SREBF2: variants seen among roughly 807,000 people sequenced by gnomAD.
SREBF2 encodes the protein sterol regulatory element binding transcription factor 2, also known as sterol regulatory element-binding protein 2.
In SREBF2, 55 loss-of-function variants were observed where a neutral mutation model predicts 113.1. That is an observed-to-expected ratio of 0.49 (90% confidence interval 0.39 to 0.61). The LOEUF (loss-of-function observed/expected upper bound fraction) is 0.61, where lower values mean the gene tolerates loss of function less well. SREBF2 is among the 20% of genes least tolerant of loss of function. The pLI, the probability that SREBF2 is intolerant of heterozygous loss-of-function variation, is 0.00. For missense variants in SREBF2, 1,349 were observed against 1,487.4 expected (o/e 0.91, Z 1.53); for synonymous variants, 593 against 605.7 (o/e 0.98, Z 0.31).
chr22:41,859,436 C>T (rs2077005344), intron 1 of SREBF2, among the ~76,000 whole-genome samples: 2 of 152,174 alleles, frequency 1.3e-5, no homozygotes, highest in Non-Finnish European at 2.9e-5. Context: ...ACATTTTGTG[C>T]ATTCCTGCAT....
chr22:41,903,470 C>G (rs1399015213), intron 17 of SREBF2, among the ~76,000 whole-genome samples: 1 of 152,212 alleles, frequency 6.6e-6, no homozygotes, highest in Non-Finnish European at 1.5e-5. Context: ...TGGGAGGGCT[C>G]TGAGGGCAAT....
chr22:41,877,154 A>G, intron 7 of SREBF2, 75 bp from the exon 8 acceptor site: 1 of 1,396,348 alleles, frequency 7.2e-7, no homozygotes, highest in Non-Finnish European at 1.0e-6. Context: ...ATTTCTCAAT[A>G]TATATATATG....
chr22:41,880,397 C>CAAAAAA (rs58272168), intron 9 of SREBF2, among the ~76,000 whole-genome samples: 2 of 87,624 alleles, frequency 2.3e-5, no homozygotes, highest in African/African-American at 4.4e-5. Flanking sequence ...ACTAAAAATA[C>CAAAAAA]AAAAAAAAAA....
chr22:41,900,822 C>T (rs551720123), intron 16 of SREBF2: 23 of 511,436 alleles, frequency 4.5e-5, no homozygotes, highest in African/African-American at 3.7e-4. Context: ...CAGCGGTTTG[C>T]GTGACTTCCC....
chr22:41,871,898 CAAA>C (rs34718352), intron 4 of SREBF2, among the ~76,000 whole-genome samples: 2 of 103,740 alleles, frequency 1.9e-5, no homozygotes, highest in Non-Finnish European at 2.0e-5. Context: ...GACTGACTCT[CAAA>C]AAAAAAAAAA....
In SREBF2 at chr22:41,875,644, T is replaced by A. The variant is rs1371402908; in HGVS notation, c.1306T>A (p.Ser436Thr). 1 of 1,614,086 alleles carries A rather than the reference T, an allele frequency of 6.2e-7. No individual in the cohort carries two copies. The highest frequency in any genetic ancestry group is 8.5e-7 in the Non-Finnish European group (1 of 1,180,050). ...QNVLLMSPPA[S>T]DSGSQAGFSP... is the part of the protein sequence containing the mutation. ...TGTCCTTCTGATGTCCCCCCCAGCC[T>A]CTGACTCAGGGTCCCAGGCTGGCTT... is the stretch of plus-strand genomic sequence containing the variant. The change falls in exon 7 of 19, where the codon TCT (serine) becomes ACT (threonine). Residue 436 changes from serine to threonine, a missense_variant. Physicochemically the swap from Ser to Thr is moderately conservative, Grantham distance 58. Coordinates refer to ENST00000361204, the MANE Select transcript of SREBF2 (RefSeq NM_004599.4).
Position 41,875,197 on chromosome 22 carries a change from T to A in SREBF2, c.1090-140T>A, listed in dbSNP as rs987878830. On this transcript the variant is annotated intron_variant, in intron 5 of 18. Transcript: ENST00000361204. ...AATAACTTCTCCCGAGTGGCACAGCTAATCATTGGGAGGACCAGCATCTGA... is the reference window on the plus strand; with the variant it reads ...AATAACTTCTCCCGAGTGGCACAGCAAATCATTGGGAGGACCAGCATCTGA... 3 of 717,478 alleles carry A rather than the reference T, an allele frequency of 4.2e-6. No homozygotes were observed. The African/African-American group carries it at 5.2e-5, about 12-fold the overall frequency. 44.4% of individuals were successfully genotyped at this position (717,478 alleles called of 1,614,324 possible).
In SREBF2 at chr22:41,833,574, G is replaced by T. The variant is rs2076736646; in HGVS notation, c.88+216G>T. ...TCCGGGAGGCCGTGGGATCTGGGGC[G>T]CCGCGGGGCCGAAAGCGGCGCGAGG... On this transcript the variant is annotated intron_variant, in intron 1 of 18. Coordinates refer to ENST00000361204, the MANE Select transcript of SREBF2 (RefSeq NM_004599.4). The surrounding 1 kb of genome is among the most constrained non-coding windows in gnomAD (Gnocchi z 4.1). 1 of 434,962 alleles carries T rather than the reference G, an allele frequency of 2.3e-6. No homozygotes were observed. The highest frequency in any genetic ancestry group is 4.0e-6 in the Non-Finnish European group (1 of 250,580). 26.9% of individuals were successfully genotyped at this position (434,962 alleles called of 1,614,324 possible). A position where few individuals can be genotyped will look rare whatever the true frequency, so the allele number is the denominator to read the frequency against.
intron 4 of SREBF2, 73 bp from the exon 5 acceptor site, chr22:41,873,725 C>T (rs2077166786): frequency 6.8e-7 from 1 of 1,481,330 alleles, no homozygotes; most frequent in Admixed American, 2.0e-5. Context: ...CCAAAGCGGG[C>T]AGGTCTGTGT....
intron 1 of SREBF2, among the ~76,000 whole-genome samples, chr22:41,846,915 A>G (rs1301193095): frequency 6.6e-6 from 1 of 152,078 alleles, no homozygotes; most frequent in Non-Finnish European, 1.5e-5. Flanking sequence ...CTCTGTGAGC[A>G]TGGGAGATGG....
intron 2 of SREBF2, among the ~76,000 whole-genome samples, chr22:41,868,019 C>T (rs1028080515): frequency 2.6e-5 from 4 of 152,142 alleles, no homozygotes; most frequent in African/African-American, 9.7e-5. Context: ...AGTAGCAAGC[C>T]TCATGCTGGG....
chr22:41,881,707 G>GT (rs1241406613), intron 10 of SREBF2, among the ~76,000 whole-genome samples: 1 of 152,186 alleles, frequency 6.6e-6, no homozygotes, highest in Admixed American at 6.5e-5. Context: ...ATCTTGTAGT[G>GT]TATCAGTAGG....
At chr22:41,881,409 T>A (rs1305267027) in intron 10 of SREBF2, among the ~76,000 whole-genome samples, 1 of 152,226 alleles carries the variant, frequency 6.6e-6, no homozygotes, top group Non-Finnish European at 1.5e-5. Flanking sequence ...CAGTTCAGCG[T>A]GAGTATGTTA....
chr22:41,895,140 GT>G (rs371294741), intron 13 of SREBF2, among the ~76,000 whole-genome samples: 105 of 138,116 alleles, frequency 7.6e-4, no homozygotes, highest in Admixed American at 9.5e-4. Flanking sequence ...GACCAAGTGC[GT>G]TTTTTTTTTT....
chr22:41,853,851 C>T (rs544183115), intron 1 of SREBF2, among the ~76,000 whole-genome samples: 19 of 151,928 alleles, frequency 1.3e-4, no homozygotes, highest in South Asian at 1.2e-3. Flanking sequence ...CTGGCTAACA[C>T]GGTGAAACCC....
chr22:41,906,520 C>T lies in SREBF2; in HGVS notation c.*860C>T, dbSNP rs1602358342. 6.2e-6 allele frequency: 1 copy of T among 160,152 alleles called. No individual in the cohort carries two copies. Among genetic ancestry groups the T allele is most frequent in the East Asian group, 1.9e-4 (1 of 5,352 alleles). 9.9% of individuals were successfully genotyped at this position (160,152 alleles called of 1,614,324 possible). On this transcript the variant is annotated 3_prime_UTR_variant, in exon 19 of 19. Transcript: ENST00000361204. ...TCTAGGTTCCCTCCTCCCCCTACCC[C>T]ATCTCCTACCTCCACAGTACAGACT...
chr22:41,876,120 T>C (rs1420177712), intron 7 of SREBF2, among the ~76,000 whole-genome samples: 2 of 152,228 alleles, frequency 1.3e-5, no homozygotes, highest in East Asian at 3.8e-4. Flanking sequence ...CTCTGGGTCC[T>C]CTTTTCAGAA....
intron 1 of SREBF2, among the ~76,000 whole-genome samples, chr22:41,842,078 C>T (rs1602266479): frequency 6.6e-6 from 1 of 152,236 alleles, no homozygotes; most frequent in Non-Finnish European, 1.5e-5. Flanking sequence ...AAAACATTTC[C>T]AGTGCTGCAA....
intron 8 of SREBF2, 90 bp downstream of exon 8, chr22:41,877,511 C>G (rs1414359980): frequency 6.8e-7 from 1 of 1,472,034 alleles, no homozygotes; most frequent in Non-Finnish European, 9.3e-7. Context: ...GCTTGGCTAC[C>G]AGGTCCCAAA....
Sources: allele counts gnomAD v4.1 joint callset (sites outside exome capture counted in the v4.1 genomes callset), GRCh38; gene constraint gnomAD v4.1.1; non-coding constraint Gnocchi (gnomAD v3.1); transcripts MANE v1.5; gene names NCBI Gene and HGNC (gene_info 2026-07-23, HGNC 2026-07-21).